The following C10orf143 variants were observed in gnomAD, a reference collection of about 807,000 sequenced individuals.
C10orf143 encodes the protein uncharacterized protein C10orf143.
At position 130,079,908 on chromosome 10, in the gene C10orf143, CA is replaced by C. The variant is rs1861179665; in HGVS notation, c.70-8del. 5 of 398,608 alleles carry C rather than the reference CA, an allele frequency of 1.3e-5. No homozygotes were observed. In the East Asian group the frequency reaches 1.8e-4, roughly 14 times the overall value. The allele number at this position is 398,608 out of a possible 1,614,324, so 24.7% of individuals were successfully genotyped here. On this transcript the variant is annotated splice_region_variant and splice_polypyrimidine_tract_variant and intron_variant, in intron 1 of 3. Transcript: ENST00000637128. ...ATCTCCTGCATACCCGTTTCTGAAA[CA>C]AACAAAATTTTACTTTAGATGGTCT...
chr10:130,043,996 G>GGAGAGA (rs139473238), intron 3 of C10orf143, among the ~76,000 whole-genome samples: 4 of 149,478 alleles, frequency 2.7e-5, no homozygotes, highest in Non-Finnish European at 4.5e-5. Flanking sequence ...ACCATGGCAG[G>GGAGAGA]GAGAGAGAGA....
intron 3 of C10orf143, among the ~76,000 whole-genome samples, chr10:130,053,874 G>T (rs1437887425): frequency 2.6e-5 from 4 of 152,192 alleles, no homozygotes; most frequent in African/African-American, 4.8e-5. Context: ...GTGGGGGAAG[G>T]CCCCTTAGGG....
intron 3 of C10orf143, among the ~76,000 whole-genome samples, chr10:130,041,425 A>G (rs1770087767): frequency 1.3e-5 from 2 of 152,184 alleles, no homozygotes; most frequent in African/African-American, 4.8e-5. Flanking sequence ...GGTTTTGCCA[A>G]ATTTCTTCCA....
chr10:130,078,862 C>T (rs768744110), intron 3 of C10orf143, among the ~76,000 whole-genome samples: 20 of 152,142 alleles, frequency 1.3e-4, no homozygotes, highest in African/African-American at 3.9e-4. Flanking sequence ...CATATACACA[C>T]GCACAAATTC....
intron 3 of C10orf143, among the ~76,000 whole-genome samples, chr10:130,038,869 G>C (rs1860574201): frequency 6.6e-6 from 1 of 152,202 alleles, no homozygotes; most frequent in African/African-American, 2.4e-5. Context: ...CGGTAGCAAG[G>C]CCGGAGGGAG....
In C10orf143 at chr10:130,099,510, TTTTATTTATTTA is replaced by T. The variant is rs140538908; in HGVS notation, c.69+11182_69+11193del. On this transcript the variant is annotated intron_variant, in intron 1 of 3. Transcript: ENST00000637128. ...TTAACTCTGAATCTTCTTCTTTTATTTTTATTTATTTATTTATTTATTTATTTATTTATTTAT... is the reference window on the plus strand; with the variant it reads ...TTAACTCTGAATCTTCTTCTTTTATTTTTATTTATTTATTTATTTATTTAT... Among the ~76,000 whole-genome samples the T allele has an allele frequency of 5.3e-3, 781 of 148,642 alleles. 6 individuals are homozygous for T. The highest frequency in any genetic ancestry group is 0.016 in the African/African-American group (632 of 40,294).
rs183263989 is a variant in C10orf143 at position 130,064,553 on chromosome 10, A to G, written c.298-170T>C. Among the ~76,000 whole-genome samples, 1,448 of 152,196 alleles carry G rather than the reference A, an allele frequency of 9.5e-3. 11 individuals are homozygous for G. The highest frequency in any genetic ancestry group is 0.014 in the Non-Finnish European group (919 of 68,000). On this transcript the variant is annotated intron_variant, in intron 3 of 3. Transcript: ENST00000637128. ...TTATAGATATATTAATATATATTAC[A>G]TTATAATTAAGATATTTAAAGCATT...
downstream of C10orf143, among the ~76,000 whole-genome samples, chr10:130,061,842 G>GA (rs1332074350): frequency 4.6e-5 from 7 of 152,158 alleles, no homozygotes; most frequent in African/African-American, 1.7e-4. Context: ...AGTTCTGCAC[G>GA]GGGTGAGCTC....
chr10:130,076,442 G>C (rs1350837049), intron 3 of C10orf143, among the ~76,000 whole-genome samples: 2 of 152,116 alleles, frequency 1.3e-5, no homozygotes, highest in African/African-American at 4.8e-5. Context: ...TCGGAGCTGA[G>C]AAAAAAACAG....
At position 130,041,297 on chromosome 10, in the gene C10orf143, C is replaced by G. The variant is rs147531152; in HGVS notation, c.298-5327G>C. Reference sequence around the variant, plus strand: ...TCACCAGCTTGACCTCTACTGAGTCCCCTCCGAAGGTCAGGGGACAAGGCT... The same window carrying G: ...TCACCAGCTTGACCTCTACTGAGTCGCCTCCGAAGGTCAGGGGACAAGGCT... On this transcript the variant is annotated intron_variant and NMD_transcript_variant, in intron 3 of 5. Transcript: ENST00000643056. Among the ~76,000 whole-genome samples the G allele has an allele frequency of 4.3e-3, 652 of 152,280 alleles. 5 individuals are homozygous for G. The highest frequency in any genetic ancestry group is 0.015 in the African/African-American group (616 of 41,546).
intron 3 of C10orf143, among the ~76,000 whole-genome samples, chr10:130,038,454 G>A (rs1351780349): frequency 6.6e-6 from 1 of 152,184 alleles, no homozygotes; most frequent in Non-Finnish European, 1.5e-5. Flanking sequence ...CCCCTGGGAT[G>A]AGGGTGGGCC....
downstream of C10orf143, among the ~76,000 whole-genome samples, chr10:130,063,660 G>A (rs527832467): frequency 5.9e-5 from 9 of 152,324 alleles, no homozygotes; most frequent in Non-Finnish European, 1.0e-4. Context: ...TCCCTGGAGG[G>A]AGCACATTCC....
rs182579101 is a variant in C10orf143 at position 130,090,751 on chromosome 10, C to A, written c.70-10850G>T. On this transcript the variant is annotated intron_variant, in intron 1 of 3. Coordinates refer to ENST00000637128, the MANE Select transcript of C10orf143 (RefSeq NM_001355042.2). Reference sequence around the variant, plus strand: ...GGGGCGGGCGGGGCATCTGCCATTACCAAGGCTTGAGTAGGCGGTTTTCCC... The same window carrying A: ...GGGGCGGGCGGGGCATCTGCCATTAACAAGGCTTGAGTAGGCGGTTTTCCC... Among the ~76,000 whole-genome samples, 466 of 152,280 alleles carry A rather than the reference C, an allele frequency of 3.1e-3. 1 individual carries two copies. Among genetic ancestry groups the A allele is most frequent in the African/African-American group, 0.011 (437 of 41,562 alleles).
At chr10:130,098,605 A>G (rs1446593018) in intron 1 of C10orf143, among the ~76,000 whole-genome samples, 1 of 152,164 alleles carries the variant, frequency 6.6e-6, no homozygotes, top group African/African-American at 2.4e-5. Context: ...CTGAATACCT[A>G]CTATGTGCCC....
intron 3 of C10orf143, among the ~76,000 whole-genome samples, chr10:130,051,154 C>CTTGATT (rs1298147934): frequency 4.7e-4 from 72 of 152,204 alleles, no homozygotes; most frequent in African/African-American, 1.7e-3. Flanking sequence ...CTTGGTCATA[C>CTTGATT]TTGCTTTTGC....
chr10:130,079,130 T>C (rs945992843), intron 3 of C10orf143, among the ~76,000 whole-genome samples: 6 of 152,216 alleles, frequency 3.9e-5, no homozygotes, highest in Admixed American at 3.3e-4. Context: ...GTGTAAACAC[T>C]GTGTTTGCTT....
chr10:130,097,720 C>T (rs987141935), intron 1 of C10orf143, among the ~76,000 whole-genome samples: 2 of 150,594 alleles, frequency 1.3e-5, no homozygotes, highest in Non-Finnish European at 3.0e-5. Context: ...GAATATTATA[C>T]AGCCATAAAA....
At chr10:130,105,968 C>T (rs558154237) in intron 1 of C10orf143, 2 of 394,768 alleles carry the variant, frequency 5.1e-6, no homozygotes, top group Admixed American at 3.5e-5. Flanking sequence ...ATTCGGGTTC[C>T]GGACGCAAGG....
At chr10:130,105,741 C>A (rs982713142) in intron 1 of C10orf143, among the ~76,000 whole-genome samples, 2 of 152,058 alleles carry the variant, frequency 1.3e-5, no homozygotes, top group Admixed American at 6.5e-5. Flanking sequence ...CCTCCCCCCC[C>A]AAACAAAACA....
Sources: allele counts gnomAD v4.1 joint callset (sites outside exome capture counted in the v4.1 genomes callset), GRCh38; gene constraint gnomAD v4.1.1; transcripts MANE v1.5; gene names NCBI Gene and HGNC (gene_info 2026-07-23, HGNC 2026-07-21).